Variants in CTR9 observed in about 807,000 individuals in gnomAD.
CTR9 encodes the protein RNA polymerase-associated protein CTR9 homolog.
Under a neutral mutation model 152.1 loss-of-function variants are expected in CTR9, and 41 were observed. The ratio of observed to expected loss-of-function variants is 0.27; its 90% CI spans 0.21 to 0.35. CTR9 has a LOEUF of 0.35. CTR9 is among the 10% of genes least tolerant of loss of function. The probability of loss-of-function intolerance (pLI) is 1.00; values close to 1 mark genes in which losing one functional copy is unlikely to be tolerated. For synonymous variants in CTR9, 476 were observed against 496.2 expected (o/e 0.96, Z 0.54); for missense variants, 917 against 1,424.4 (o/e 0.64, Z 5.73).
rs766883652 is a variant in CTR9 at position 10,751,503 on chromosome 11, A to G, written c.45+46A>G. ...CGGGTGGGGGCCATGAACTTGTACG[A>G]TCGCCCCCACCGACTTCGCTCGACT... On this transcript the variant is annotated intron_variant, in intron 1 of 24. Transcript: ENST00000361367. 4.1e-4 allele frequency: 644 copies of G among 1,583,544 alleles called. 1 individual carries two copies. Among genetic ancestry groups the G allele is most frequent in the Non-Finnish European group, 5.2e-4 (606 of 1,155,970 alleles).
At chr11:10,772,749 GTGGCTGAC>G in intron 20 of CTR9, 94 bp downstream of exon 20, 1 of 1,262,342 alleles carries the variant, frequency 7.9e-7, no homozygotes, top group Non-Finnish European at 1.1e-6. Flanking sequence ...GCCAGGCGTG[GTGGCTGAC>G]ACCTCTAATT....
chr11:10,778,950 CCAG>C lies in CTR9; in HGVS notation c.3369_3371del (p.Ala1124del). On this transcript the variant is annotated inframe_deletion, in exon 25 of 25. Transcript: ENST00000361367. ...AGGAGTTTCTGAGAACGACTCTCGC[CCAG>C]CTTCTCCAAGTGCCGAATCAGATCA... The C allele has an allele frequency of 6.2e-7, 1 of 1,614,136 alleles. No individual in the cohort carries two copies. The highest frequency in any genetic ancestry group is 8.5e-7 in the Non-Finnish European group (1 of 1,180,038).
chr11:10,772,547 C>T lies in CTR9; in HGVS notation c.2472C>T (p.Ala824=). The change falls in exon 20 of 25, where the codon GCC becomes GCT. Residue 824 remains alanine (A), a synonymous_variant. Transcript: ENST00000361367. Reference sequence around the variant, plus strand: ...AGTGTTCTGACTTACTGAGCCAGGCCCAGTACCATGTGGCCCGGGCACGCA... The same window carrying T: ...AGTGTTCTGACTTACTGAGCCAGGCTCAGTACCATGTGGCCCGGGCACGCA... ...ARQCSDLLSQ[A]QYHVARARKQ... 6.2e-7 allele frequency: 1 copy of T among 1,604,584 alleles called. No homozygotes were observed. Among genetic ancestry groups the T allele is most frequent in the Non-Finnish European group, 8.5e-7 (1 of 1,175,706 alleles).
intron 22 of CTR9, chr11:10,774,420 C>G (rs549262687): frequency 8.2e-4 from 246 of 298,480 alleles, no homozygotes; most frequent in Non-Finnish European, 1.2e-3. Flanking sequence ...TTTCTTGTGT[C>G]TCTAAATATT....
In CTR9 at chr11:10,779,087, G is replaced by T; in HGVS notation, c.3504G>T (p.Gly1168=). The T allele has an allele frequency of 1.2e-6, 2 of 1,611,848 alleles. No homozygotes were observed. Among genetic ancestry groups the T allele is most frequent in the Non-Finnish European group, 1.7e-6 (2 of 1,178,294 alleles). The change falls in exon 25 of 25, where the codon GGG becomes GGT. Residue 1168 remains glycine (G), a synonymous_variant. Transcript: ENST00000361367. ...CCTCAGATAGAGGCTCAGAACATGGGTCAGATGATAGTGACTAGGTTTTAT... is the reference window on the plus strand; with the variant it reads ...CCTCAGATAGAGGCTCAGAACATGGTTCAGATGATAGTGACTAGGTTTTAT... The part of the protein sequence containing the change: ...NEASDRGSEH[G]SDDSD
In CTR9 at chr11:10,778,933, C is replaced by G. The variant is rs1370242985; in HGVS notation, c.3350C>G (p.Ser1117Cys). ...TCAGGGAGAAGCCACTCAGGAGTTT[C>G]TGAGAACGACTCTCGCCCAGCTTCT... is the stretch of plus-strand genomic sequence containing the variant. ...VQSGRSHSGVSENDSRPASPS... is the reference protein window; with the variant it reads ...VQSGRSHSGVCENDSRPASPS... The change falls in exon 25 of 25, where the codon TCT becomes TGT. Residue 1117 changes from serine (S) to cysteine (C), a missense_variant. Ser to Cys is a moderately radical substitution (Grantham distance 112, BLOSUM62 -1). Coordinates refer to ENST00000361367, the MANE Select transcript of CTR9 (RefSeq NM_014633.5). 1.9e-6 allele frequency: 3 copies of G among 1,614,062 alleles called. No individual in the cohort carries two copies. Among genetic ancestry groups the G allele is most frequent in the African/African-American group, 1.3e-5 (1 of 74,922 alleles).
In CTR9 at chr11:10,763,841, G is replaced by C. The variant is rs1863015742; in HGVS notation, c.1156G>C (p.Ala386Pro). 6.2e-7 allele frequency: 1 copy of C among 1,612,884 alleles called. No homozygotes were observed. Among genetic ancestry groups the C allele is most frequent in the Non-Finnish European group, 8.5e-7 (1 of 1,179,740 alleles). ...TATGAAAATTCTCGGCTCTCTCTATGCTGCCTCAGAAGATCAAGAAAAACG... is the reference window on the plus strand; with the variant it reads ...TATGAAAATTCTCGGCTCTCTCTATCCTGCCTCAGAAGATCAAGAAAAACG... The part of the protein sequence containing the change: ...ETMKILGSLY[A>P]ASEDQEKRDI... Residue 386 changes from alanine (A) to proline (P), a missense_variant, in exon 9 of 25, where the codon GCT becomes CCT. By Grantham distance (27) the Ala-to-Pro change is conservative (BLOSUM62 -1). Coordinates refer to ENST00000361367, the MANE Select transcript of CTR9 (RefSeq NM_014633.5).
chr11:10,768,373 G>T lies in CTR9; in HGVS notation c.1991G>T (p.Arg664Leu). 6.2e-7 allele frequency: 1 copy of T among 1,613,806 alleles called. No homozygotes were observed. The highest frequency in any genetic ancestry group is 8.5e-7 in the Non-Finnish European group (1 of 1,179,912). Residue 664 changes from arginine (R) to leucine (L), a missense_variant, in exon 16 of 25, where the codon CGT (arginine) becomes CTT (leucine). Arg to Leu is a moderately radical substitution (Grantham distance 102). Coordinates refer to ENST00000361367, the MANE Select transcript of CTR9 (RefSeq NM_014633.5). ...GTTTTGGCCCACAAAGGATATTTTC[G>T]TGAAGCTCGTGATGTATTTGCCCAA... ...GAVLAHKGYFREARDVFAQVR... is the reference protein window; with the variant it reads ...GAVLAHKGYFLEARDVFAQVR...
At chr11:10,751,550 C>T (rs1420074322) in intron 1 of CTR9, 93 bp downstream of exon 1, 38 of 1,227,406 alleles carry the variant, frequency 3.1e-5, no homozygotes, top group Middle Eastern at 1.9e-4. Context: ...GCGAGAGCAT[C>T]CTCCTTCCCT....
rs561615363 is a variant in CTR9 at position 10,751,289 on chromosome 11, G to A, written c.-124G>A. ...GGGAAGGAGAAGCCAGAGCTCCAGC[G>A]GCGCCGCGGGGCGGCAGTCAAGACC... On this transcript the variant is annotated 5_prime_UTR_variant, in exon 1 of 25. Coordinates refer to ENST00000361367, the MANE Select transcript of CTR9 (RefSeq NM_014633.5). The A allele has an allele frequency of 6.6e-5, 67 of 1,010,584 alleles. No individual in the cohort carries two copies. The highest frequency in any genetic ancestry group is 4.7e-4 in the East Asian group (19 of 40,686). 62.6% of individuals were successfully genotyped at this position (1,010,584 alleles called of 1,614,324 possible).
At chr11:10,756,115 T>G (rs1017352471) in intron 4 of CTR9, among the ~76,000 whole-genome samples, 2 of 152,154 alleles carry the variant, frequency 1.3e-5, no homozygotes, top group African/African-American at 4.8e-5. Flanking sequence ...CAAGACGAGC[T>G]GGGGCAACAT....
In CTR9 at chr11:10,778,670, C is replaced by T; in HGVS notation, c.3096-9C>T. ...TCCTCAGCTTCTAACCAATGATCAT[C>T]TTTGCCAGACATCCCAGGAACAGCA... On this transcript the variant is annotated splice_polypyrimidine_tract_variant and intron_variant, in intron 24 of 24. Coordinates refer to ENST00000361367, the MANE Select transcript of CTR9 (RefSeq NM_014633.5). 1 of 1,604,812 alleles carries T rather than the reference C, an allele frequency of 6.2e-7. No individual in the cohort carries two copies. Among genetic ancestry groups the T allele is most frequent in the East Asian group, 2.2e-5 (1 of 44,670 alleles).
chr11:10,778,403 A>T (rs1414650421), intron 24 of CTR9, among the ~76,000 whole-genome samples: 1 of 152,182 alleles, frequency 6.6e-6, no homozygotes, highest in Admixed American at 6.5e-5. Flanking sequence ...ATTCTGATGA[A>T]AAGTGTCCAG....
Position 10,761,124 on chromosome 11 carries a change from A to G in CTR9, c.741+803A>G, listed in dbSNP as rs76991038. Among the ~76,000 whole-genome samples the G allele has an allele frequency of 1.2e-3, 181 of 152,284 alleles. 3 individuals carry two copies. In the East Asian group the frequency reaches 0.02, roughly 17 times the overall value. ...GTTGTGGGGAACTGTCCCTTCCATT[A>G]TAGAATGTTTTAACAGCATCCCGGG... On this transcript the variant is annotated intron_variant, in intron 6 of 24. Transcript: ENST00000361367.
intron 24 of CTR9, among the ~76,000 whole-genome samples, chr11:10,776,077 T>G (rs1401961394): frequency 6.6e-6 from 1 of 152,082 alleles, no homozygotes; most frequent in Non-Finnish European, 1.5e-5. Flanking sequence ...TATTATTTAT[T>G]TATTTATTTA....
intron 24 of CTR9, among the ~76,000 whole-genome samples, chr11:10,776,971 G>GAAAAAAAAAAAAAAAAAAAAAAAAA (rs11326865): frequency 1.6e-5 from 1 of 63,236 alleles, no homozygotes; most frequent in African/African-American, 5.7e-5. Flanking sequence ...AGACTCTTGT[G>GAAAAAAAAAAAAAAAAAAAAAAAAA]AAAAAAAAAA....
intron 5 of CTR9, among the ~76,000 whole-genome samples, chr11:10,759,775 C>T (rs1862947143): frequency 6.6e-6 from 1 of 152,116 alleles, no homozygotes; most frequent in Non-Finnish European, 1.5e-5. Context: ...CACATATGAG[C>T]ATAGCTTTGA....
intron 16 of CTR9, among the ~76,000 whole-genome samples, chr11:10,769,483 A>G (rs1863109312): frequency 6.6e-6 from 1 of 152,212 alleles, no homozygotes; most frequent in Non-Finnish European, 1.5e-5. Flanking sequence ...GTTATTACCA[A>G]TATTCAGAGT....
chr11:10,775,528 C>G lies in CTR9; in HGVS notation c.2990C>G (p.Pro997Arg), dbSNP rs1863218494. ...PKAEKKKAPK[P>R]ERLPPSMKGK... ...ATGTTTGACATTCTTTAGCCCAAGC[C>G]AGAACGTCTGCCTCCATCAATGAAG... The change falls in exon 24 of 25, where the codon CCA (proline) becomes CGA (arginine). Residue 997 changes from proline to arginine, a missense_variant. Pro to Arg is a moderately radical substitution (Grantham distance 103). Coordinates refer to ENST00000361367, the MANE Select transcript of CTR9 (RefSeq NM_014633.5). 6.2e-7 allele frequency: 1 copy of G among 1,612,446 alleles called. No individual in the cohort carries two copies. The highest frequency in any genetic ancestry group is 1.3e-5 in the African/African-American group (1 of 74,860).
Sources: allele counts gnomAD v4.1 joint callset (sites outside exome capture counted in the v4.1 genomes callset), GRCh38; gene constraint gnomAD v4.1.1; transcripts MANE v1.5; gene names NCBI Gene and HGNC (gene_info 2026-07-23, HGNC 2026-07-21).